Variants in RARB observed in about 807,000 individuals in gnomAD.
RARB encodes retinoic acid receptor beta, also known as HBV-activated protein.
Under a neutral mutation model 51.9 loss-of-function variants are expected in RARB, and 17 were observed. The observed-to-expected ratio is 0.33, with a 90% CI of 0.22 to 0.49. The LOEUF is 0.49. RARB is among the 20% of genes least tolerant of loss of function. The pLI, the probability that RARB is intolerant of heterozygous loss-of-function variation, is 0.99. For synonymous variants in RARB, 215 were observed against 195.4 expected (o/e 1.10, Z -0.84); for missense variants, 369 against 550.8 (o/e 0.67, Z 3.30).
chr3:25,060,557 A>G (rs1454723106), intron 3 of RARB, among the ~76,000 whole-genome samples: 1 of 151,888 alleles, frequency 6.6e-6, no homozygotes, highest in African/African-American at 2.4e-5. Flanking sequence ...AAATGTAAAC[A>G]AATGGTGTGA....
chr3:25,557,915 C>T lies in RARB; in HGVS notation c.449-11843C>T, dbSNP rs552545695. ...GCTTCTCTCTAGGTCTGCAAACTGG[C>T]TCTCTTTTCTGCCTGGAAAGCACTC... On this transcript the variant is annotated intron_variant, in intron 3 of 7. Coordinates refer to ENST00000330688, the MANE Select transcript of RARB (RefSeq NM_000965.5). Among the ~76,000 whole-genome samples, 25 of 152,264 alleles carry T rather than the reference C, an allele frequency of 1.6e-4. No individual in the cohort carries two copies. The South Asian group carries it at 5.0e-3, about 30-fold the overall frequency.
At chr3:24,997,231 T>C (rs1159212997) in intron 2 of RARB, among the ~76,000 whole-genome samples, 2 of 151,708 alleles carry the variant, frequency 1.3e-5, no homozygotes, top group African/African-American at 2.4e-5. Context: ...TGCTCGTTTT[T>C]ATAGCTTTTA....
chr3:25,253,758 T>G (rs1015343058), intron 5 of RARB, among the ~76,000 whole-genome samples: 9 of 152,214 alleles, frequency 5.9e-5, no homozygotes, highest in African/African-American at 2.2e-4. Context: ...CAGTTGTCAA[T>G]AAGGCTATAA....
At chr3:25,150,320 C>T (rs1339084025) in intron 4 of RARB, among the ~76,000 whole-genome samples, 2 of 152,162 alleles carry the variant, frequency 1.3e-5, no homozygotes, top group Admixed American at 6.6e-5. Context: ...GAGCTGGTTT[C>T]AGGAAGGGAC....
At chr3:24,942,792 C>T (rs1034163151) in intron 2 of RARB, among the ~76,000 whole-genome samples, 3 of 152,148 alleles carry the variant, frequency 2.0e-5, no homozygotes, top group African/African-American at 4.8e-5. Context: ...AACCAACATA[C>T]CTCACTTTTT....
intron 3 of RARB, among the ~76,000 whole-genome samples, chr3:25,541,184 G>A (rs1207702368): frequency 2.6e-5 from 4 of 152,188 alleles, no homozygotes; most frequent in Non-Finnish European, 4.4e-5. Flanking sequence ...AGATCATTTT[G>A]CTGACCCTTG....
intron 5 of RARB, among the ~76,000 whole-genome samples, chr3:25,174,781 G>A (rs1306236304): frequency 2.0e-5 from 3 of 152,204 alleles, no homozygotes; most frequent in African/African-American, 2.4e-5. Flanking sequence ...CCCGTTCAAA[G>A]CTGCTTTGGT....
chr3:25,243,281 C>G (rs574282108), intron 5 of RARB, among the ~76,000 whole-genome samples: 2 of 152,154 alleles, frequency 1.3e-5, no homozygotes, highest in East Asian at 3.9e-4. Context: ...TCCTCTCTTC[C>G]TGTTTGAATA....
chr3:25,126,177 C>G (rs1699856976), intron 3 of RARB, among the ~76,000 whole-genome samples: 1 of 152,096 alleles, frequency 6.6e-6, no homozygotes, highest in Non-Finnish European at 1.5e-5. Flanking sequence ...ATTTAGGGGT[C>G]TGTGCAGAAA....
At chr3:25,020,103 TCTATTATTA>T (rs1559436141) in intron 2 of RARB, 5 of 137,650 alleles carry the variant, frequency 3.6e-5, no homozygotes, top group South Asian at 2.3e-4. Context: ...ACTCAAGTTC[TCTATTATTA>T]TTATTATTAT....
chr3:25,481,798 T>C (rs1314369581), intron 2 of RARB, among the ~76,000 whole-genome samples: 1 of 152,208 alleles, frequency 6.6e-6, no homozygotes, highest in East Asian at 1.9e-4. Context: ...TGAACACTTC[T>C]GTCTGTCTTT....
At chr3:25,323,139 A>G (rs1704620329) in intron 5 of RARB, among the ~76,000 whole-genome samples, 1 of 130,088 alleles carries the variant, frequency 7.7e-6, no homozygotes, top group Non-Finnish European at 1.9e-5. Context: ...GGCTCAAGGC[A>G]AAAACATGGA....
chr3:25,308,997 C>T (rs2125432199), intron 5 of RARB, among the ~76,000 whole-genome samples: 1 of 152,254 alleles, frequency 6.6e-6, no homozygotes, highest in Admixed American at 6.5e-5. Context: ...TTTGGGGAAA[C>T]CACATCACTG....
At chr3:25,583,320 A>G (rs1459486250) in intron 5 of RARB, among the ~76,000 whole-genome samples, 1 of 152,248 alleles carries the variant, frequency 6.6e-6, no homozygotes, top group Non-Finnish European at 1.5e-5. Context: ...ATATATGGAT[A>G]GAGTGGGACA....
At chr3:24,973,278 T>G (rs1390963999) in intron 2 of RARB, among the ~76,000 whole-genome samples, 1 of 152,110 alleles carries the variant, frequency 6.6e-6, no homozygotes, top group African/African-American at 2.4e-5. Flanking sequence ...AAAACTGAGT[T>G]GGCTGTAAAA....
chr3:25,302,369 C>T (rs1359403447), intron 5 of RARB, among the ~76,000 whole-genome samples: 1 of 152,086 alleles, frequency 6.6e-6, no homozygotes, highest in Non-Finnish European at 1.5e-5. Flanking sequence ...CCCAAATATT[C>T]AACTGATGAA....
At chr3:25,321,263 A>G (rs1704560816) in intron 5 of RARB, among the ~76,000 whole-genome samples, 1 of 152,232 alleles carries the variant, frequency 6.6e-6, no homozygotes, top group Non-Finnish European at 1.5e-5. Context: ...TGAAATGTAC[A>G]GGGAAAAACC....
chr3:24,929,227 G>T (rs1479732834), intron 2 of RARB, among the ~76,000 whole-genome samples: 4 of 151,990 alleles, frequency 2.6e-5, no homozygotes, highest in Non-Finnish European at 4.4e-5. Context: ...GTTACTAATG[G>T]AACCTCCTAG....
chr3:24,954,504 T>C (rs1312610728), intron 2 of RARB, among the ~76,000 whole-genome samples: 1 of 152,174 alleles, frequency 6.6e-6, no homozygotes, highest in Non-Finnish European at 1.5e-5. Flanking sequence ...AATCCCCTTA[T>C]CTTACAGATT....
Sources: gnomAD v4.1 joint callset for allele counts (sites outside exome capture counted in the v4.1 genomes callset) on GRCh38, gnomAD v4.1.1 for gene constraint, MANE v1.5 for transcripts, NCBI Gene and HGNC (gene_info 2026-07-23, HGNC 2026-07-21) for gene names.